The following COL8A1 variants were observed in gnomAD, a reference collection of about 807,000 sequenced individuals.
COL8A1 encodes the protein collagen alpha-1(VIII) chain.
A neutral mutation model predicts 42.7 loss-of-function variants in COL8A1; 21 were observed. The observed-to-expected ratio is 0.49, with a 90% CI of 0.35 to 0.71. The LOEUF (loss-of-function observed/expected upper bound fraction) is 0.71, where lower values mean the gene tolerates loss of function less well. COL8A1 is among the 30% of genes least tolerant of loss of function. The pLI is 0.01. For missense variants in COL8A1, 788 were observed against 962.4 expected, an observed-to-expected ratio of 0.82 and a Z score of 2.40; for synonymous variants, 367 against 369.1, an observed-to-expected ratio of 0.99 and a Z score of 0.06.
At chr3:99,670,202 T>C (rs1938499349) in intron 1 of COL8A1, among the ~76,000 whole-genome samples, 1 of 152,076 alleles carries the variant, frequency 6.6e-6, no homozygotes, top group Non-Finnish European at 1.5e-5. Context: ...AAGAAAAATA[T>C]TTTTAAGTAA....
intron 1 of COL8A1, among the ~76,000 whole-genome samples, chr3:99,664,209 G>T (rs190569174): frequency 1.2e-4 from 18 of 152,328 alleles, no homozygotes; most frequent in Middle Eastern, 3.4e-3. Context: ...GCTCTCAAGA[G>T]CAGGGACTTT....
intron 1 of COL8A1, among the ~76,000 whole-genome samples, chr3:99,687,887 A>T (rs1939109618): frequency 1.3e-5 from 2 of 152,148 alleles, no homozygotes; most frequent in South Asian, 4.1e-4. Context: ...GCATCTTCCA[A>T]CATACTTGAT....
intron 1 of COL8A1, among the ~76,000 whole-genome samples, chr3:99,717,403 A>G (rs1260594717): frequency 6.6e-6 from 1 of 152,020 alleles, no homozygotes; most frequent in African/African-American, 2.4e-5. Context: ...ATGGCCCTTC[A>G]AAGACACGAC....
chr3:99,644,753 GCTGAGA>G (rs1404586554), intron 1 of COL8A1, among the ~76,000 whole-genome samples: 2 of 152,180 alleles, frequency 1.3e-5, no homozygotes, highest in African/African-American at 4.8e-5. Flanking sequence ...CATTTGATGT[GCTGAGA>G]CTGAAGACAA....
At chr3:99,641,415 C>T (rs749453392) in intron 1 of COL8A1, among the ~76,000 whole-genome samples, 8 of 152,152 alleles carry the variant, frequency 5.3e-5, no homozygotes, top group Admixed American at 1.3e-4. Context: ...AAAAGAACAG[C>T]TTGGTTCTAA....
chr3:99,667,576 CTTTAGAGTGAA>C (rs1464334854), intron 1 of COL8A1, among the ~76,000 whole-genome samples: 2 of 152,068 alleles, frequency 1.3e-5, no homozygotes, highest in East Asian at 3.8e-4. Flanking sequence ...ATTGTCAGTA[CTTTAGAGTGAA>C]TTTGATCACT....
At chr3:99,740,260 GC>G (rs1940861484) in intron 1 of COL8A1, among the ~76,000 whole-genome samples, 1 of 152,100 alleles carries the variant, frequency 6.6e-6, no homozygotes, top group African/African-American at 2.4e-5. Context: ...TCCCACCTCT[GC>G]CTGTTTCCCA....
intron 2 of COL8A1, among the ~76,000 whole-genome samples, chr3:99,752,518 A>AT (rs1559627169): frequency 6.6e-6 from 1 of 151,990 alleles, no homozygotes; most frequent in Non-Finnish European, 1.5e-5. Context: ...CCTGACTTCT[A>AT]TATCTGCTGA....
intron 1 of COL8A1, among the ~76,000 whole-genome samples, chr3:99,672,017 T>A (rs1042347509): frequency 2.0e-5 from 3 of 152,068 alleles, no homozygotes; most frequent in Non-Finnish European, 4.4e-5. Context: ...TTGTCTTCTG[T>A]AGAACACACT....
intron 2 of COL8A1, among the ~76,000 whole-genome samples, chr3:99,763,073 T>G (rs1381399866): frequency 1.3e-5 from 2 of 152,240 alleles, no homozygotes; most frequent in Admixed American, 6.5e-5. Flanking sequence ...AGGCAAGATA[T>G]CTGCACCTTG....
In COL8A1 at chr3:99,794,435, A is replaced by G. The variant is rs1392309815; in HGVS notation, c.534A>G (p.Lys178=). ...KPGAMGMPGA[K]GEIGQKGEIG... is the part of the protein sequence containing the mutation. ...GAGCCATGGGCATGCCTGGGGCAAAAGGAGAAATTGGACAGAAAGGGGAAA... is the reference window on the plus strand; with the variant it reads ...GAGCCATGGGCATGCCTGGGGCAAAGGGAGAAATTGGACAGAAAGGGGAAA... Residue 178 remains lysine, a synonymous_variant, in exon 4 of 4, where the codon AAA becomes AAG. Transcript: ENST00000652472. The surrounding 1 kb of genome is among the most constrained non-coding windows in gnomAD (Gnocchi z 4.3). 6.2e-7 allele frequency: 1 copy of G among 1,613,924 alleles called. No individual in the cohort carries two copies. Among genetic ancestry groups the G allele is most frequent in the Admixed American group, 1.7e-5 (1 of 60,012 alleles).
intron 1 of COL8A1, among the ~76,000 whole-genome samples, chr3:99,684,119 G>T (rs1336645475): frequency 6.6e-6 from 1 of 152,116 alleles, no homozygotes; most frequent in Non-Finnish European, 1.5e-5. Flanking sequence ...GACTTGTTTA[G>T]GCCTGTCATG....
chr3:99,748,390 AAAAACAGAATGT>A (rs1173855006), intron 2 of COL8A1, among the ~76,000 whole-genome samples: 6 of 152,230 alleles, frequency 3.9e-5, no homozygotes, highest in African/African-American at 1.4e-4. Flanking sequence ...ACTTGGAATG[AAAAACAGAATGT>A]AAAATGTCTC....
intron 2 of COL8A1, among the ~76,000 whole-genome samples, chr3:99,762,454 G>A (rs953955095): frequency 1.3e-5 from 2 of 152,182 alleles, no homozygotes; most frequent in Admixed American, 6.5e-5. Context: ...ATATCAAGCT[G>A]GGAGGTAAAG....
chr3:99,689,754 A>C (rs76266551), intron 1 of COL8A1, among the ~76,000 whole-genome samples: 1 of 152,134 alleles, frequency 6.6e-6, no homozygotes, highest in Admixed American at 6.5e-5. Context: ...TTTGAAAAAC[A>C]CAGACCTGGA....
At chr3:99,731,755 G>A (rs944369273) in intron 1 of COL8A1, among the ~76,000 whole-genome samples, 1 of 152,100 alleles carries the variant, frequency 6.6e-6, no homozygotes, top group Admixed American at 6.6e-5. Flanking sequence ...ACTGGACTAT[G>A]GTAGAAACGG....
At chr3:99,655,173 C>T (rs1342716710) in intron 1 of COL8A1, among the ~76,000 whole-genome samples, 2 of 152,098 alleles carry the variant, frequency 1.3e-5, no homozygotes, top group East Asian at 3.9e-4. Flanking sequence ...TCTCTGAGCC[C>T]TCCCTGGGGC....
rs1280345895 is a variant in COL8A1 at position 99,796,991 on chromosome 3, T to C, written c.*855T>C. 1 of 152,214 alleles carries C rather than the reference T, an allele frequency of 6.6e-6. No individual in the cohort carries two copies. Among genetic ancestry groups the C allele is most frequent in the East Asian group, 1.9e-4 (1 of 5,190 alleles). 9.4% of individuals were successfully genotyped at this position (152,214 alleles called of 1,614,324 possible). A position where few individuals can be genotyped will look rare whatever the true frequency, so the allele number is the denominator to read the frequency against. ...TTATTTTCCTATTTTCTTTCCTCCATGTAATTTTCACTATGGCCCAACTAA... is the reference window on the plus strand; with the variant it reads ...TTATTTTCCTATTTTCTTTCCTCCACGTAATTTTCACTATGGCCCAACTAA... On this transcript the variant is annotated 3_prime_UTR_variant, in exon 4 of 4. Transcript: ENST00000652472.
At chr3:99,665,436 G>A (rs1462030288) in intron 1 of COL8A1, among the ~76,000 whole-genome samples, 2 of 152,154 alleles carry the variant, frequency 1.3e-5, no homozygotes, top group Non-Finnish European at 2.9e-5. Flanking sequence ...GGGTCTCTTA[G>A]TACATCTACC....
Sources: gnomAD v4.1 joint callset for allele counts (sites outside exome capture counted in the v4.1 genomes callset) on GRCh38, gnomAD v4.1.1 for gene constraint, Gnocchi (gnomAD v3.1) non-coding constraint, MANE v1.5 for transcripts, NCBI Gene and HGNC (gene_info 2026-07-23, HGNC 2026-07-21) for gene names.